The following NLGN4X variants were observed in gnomAD, a reference collection of about 807,000 sequenced individuals.
The protein encoded by NLGN4X is neuroligin 4 X-linked.
In NLGN4X, 3 loss-of-function variants were observed where a neutral mutation model predicts 40.3. The ratio of observed to expected loss-of-function variants is 0.07; its 90% CI spans 0.03 to 0.19. NLGN4X has a LOEUF of 0.19. Among genes scored for constraint, NLGN4X ranks in the 10% least tolerant of loss-of-function variants. The pLI, the probability that NLGN4X is intolerant of heterozygous loss-of-function variation, is 1.00. For synonymous variants in NLGN4X, 270 were observed against 306.8 expected (o/e 0.88, Z 1.25); for missense variants, 382 against 708.3 (o/e 0.54, Z 5.23).
At chrX:5,924,333 C>T (rs1299767733) in intron 3 of NLGN4X, among the ~76,000 whole-genome samples, 6 of 107,298 alleles carry the variant, frequency 5.6e-5, no homozygotes, top group Non-Finnish European at 1.2e-4. Flanking sequence ...TATTCTCATA[C>T]TTCTAAATGC....
intron 1 of NLGN4X, among the ~76,000 whole-genome samples, chrX:6,179,693 G>A (rs779144069): frequency 1.8e-5 from 2 of 111,620 alleles, no homozygotes; most frequent in South Asian, 3.7e-4. Flanking sequence ...TCTCAGTAGC[G>A]ACCATTTGCC....
intron 1 of NLGN4X, among the ~76,000 whole-genome samples, chrX:6,221,159 T>C (rs903828592): frequency 5.6e-5 from 6 of 106,696 alleles, no homozygotes; most frequent in African/African-American, 2.0e-4. Flanking sequence ...GGCGTAATCA[T>C]AGCTCACTGC....
chrX:6,041,862 C>T (rs1328953161), intron 2 of NLGN4X, among the ~76,000 whole-genome samples: 1 of 112,589 alleles, frequency 8.9e-6, no homozygotes, highest in Non-Finnish European at 1.9e-5. Context: ...ACAGCTATGA[C>T]AACCAGTGAT....
rs1319134713 is a variant in NLGN4X, at chrX:6,081,319, G to A, written c.473-51887C>T. Among the ~76,000 whole-genome samples the A allele has an allele frequency of 2.7e-5, 3 of 111,766 alleles. No individual in the cohort carries two copies. In the East Asian group the frequency reaches 8.5e-4, roughly 32 times the overall value. On this transcript the variant is annotated intron_variant, in intron 2 of 5. Transcript: ENST00000381095. ...AATTGTAGAGACGGGGTCTCATTATGTTGCCTGGGCTGGTCATGATCTCCT... is the reference window on the plus strand; with the variant it reads ...AATTGTAGAGACGGGGTCTCATTATATTGCCTGGGCTGGTCATGATCTCCT...
At chrX:6,115,427 C>A (rs1190265424) in intron 2 of NLGN4X, among the ~76,000 whole-genome samples, 1 of 111,497 alleles carries the variant, frequency 9.0e-6, no homozygotes, top group African/African-American at 3.3e-5. Flanking sequence ...ACTCCTGTAT[C>A]ATTGTAGGTA....
intron 3 of NLGN4X, among the ~76,000 whole-genome samples, chrX:6,000,404 T>C (rs748995555): frequency 1.9e-4 from 21 of 111,842 alleles, no homozygotes; most frequent in African/African-American, 6.8e-4. Flanking sequence ...TCTGCAGGAT[T>C]TGAGGCATGT....
At chrX:6,035,155 A>C (rs909776152) in intron 2 of NLGN4X, among the ~76,000 whole-genome samples, 18 of 112,225 alleles carry the variant, frequency 1.6e-4, no homozygotes, top group African/African-American at 5.8e-4. Context: ...TTGAATAGTA[A>C]GTGGTTTGTT....
intron 3 of NLGN4X, among the ~76,000 whole-genome samples, chrX:5,991,832 C>G (rs2147099748): frequency 8.9e-6 from 1 of 112,006 alleles, no homozygotes; most frequent in South Asian, 3.7e-4. Context: ...TTTACCTTCA[C>G]TTTAATTTCC....
At chrX:6,181,278 G>A (rs1409215619) in intron 1 of NLGN4X, among the ~76,000 whole-genome samples, 1 of 111,573 alleles carries the variant, frequency 9.0e-6, no homozygotes, top group Non-Finnish European at 1.9e-5. Flanking sequence ...TTACAGCTAT[G>A]CACACAGACG....
intron 2 of NLGN4X, among the ~76,000 whole-genome samples, chrX:6,036,774 G>A (rs1430137959): frequency 9.0e-6 from 1 of 110,610 alleles, no homozygotes; most frequent in African/African-American, 3.3e-5. Flanking sequence ...GTGCAGAACT[G>A]GCTTTAAATA....
At chrX:6,151,821 C>T in intron 1 of NLGN4X, 50 bp from the exon 2 acceptor site, 1 of 272,600 alleles carries the variant, frequency 3.7e-6, no homozygotes, top group Admixed American at 5.4e-5. Context: ...ACAACGACCA[C>T]CTAGAACACT....
At chrX:6,170,878 CA>C (rs1238378692) in intron 1 of NLGN4X, among the ~76,000 whole-genome samples, 3 of 111,639 alleles carry the variant, frequency 2.7e-5, no homozygotes, top group Non-Finnish European at 5.6e-5. Context: ...GGCTGGAGTG[CA>C]ATGGTACAGT....
chrX:6,001,365 A>C (rs1238263419), intron 3 of NLGN4X, among the ~76,000 whole-genome samples: 1 of 112,307 alleles, frequency 8.9e-6, no homozygotes, highest in Non-Finnish European at 1.9e-5. Flanking sequence ...TTTAGTGTAG[A>C]ATCAGTGGAA....
intron 3 of NLGN4X, among the ~76,000 whole-genome samples, chrX:6,021,833 C>T (rs1268735719): frequency 1.8e-5 from 2 of 109,725 alleles, no homozygotes; most frequent in Non-Finnish European, 3.8e-5. Context: ...AATGTGTTCA[C>T]TCTATTGCTG....
intron 1 of NLGN4X, among the ~76,000 whole-genome samples, chrX:6,219,882 A>G (rs1925499467): frequency 8.9e-6 from 1 of 112,308 alleles, no homozygotes; most frequent in African/African-American, 3.2e-5. Flanking sequence ...ATAGCTGGTT[A>G]TATTTTAAAA....
chrX:5,939,323 TAG>T (rs1393653599), intron 3 of NLGN4X, among the ~76,000 whole-genome samples: 1 of 110,170 alleles, frequency 9.1e-6, no homozygotes, highest in Non-Finnish European at 1.9e-5. Context: ...AGTGGAAAAA[TAG>T]AGAGATGGTG....
At chrX:6,165,899 C>T (rs2040486462) in intron 1 of NLGN4X, among the ~76,000 whole-genome samples, 1 of 111,053 alleles carries the variant, frequency 9.0e-6, no homozygotes, top group Non-Finnish European at 1.9e-5. Flanking sequence ...TGTTTTGATA[C>T]AGGCATGCAA....
At chrX:6,041,505 A>C (rs1318787970) in intron 2 of NLGN4X, among the ~76,000 whole-genome samples, 1 of 111,919 alleles carries the variant, frequency 8.9e-6, no homozygotes, top group Non-Finnish European at 1.9e-5. Context: ...ATTCATTTTT[A>C]CTGATCAGCT....
intron 1 of NLGN4X, among the ~76,000 whole-genome samples, chrX:6,160,521 T>C (rs774198762): frequency 9.9e-6 from 1 of 101,206 alleles, no homozygotes; most frequent in Non-Finnish European, 2.0e-5. Flanking sequence ...TATGAAATTA[T>C]ATCTATAAAA....
Sources: allele counts gnomAD v4.1 joint callset (sites outside exome capture counted in the v4.1 genomes callset), GRCh38; gene constraint gnomAD v4.1.1; transcripts MANE v1.5; gene names NCBI Gene and HGNC (gene_info 2026-07-23, HGNC 2026-07-21).